Variants in INO80D observed in about 807,000 individuals in gnomAD.
INO80D encodes INO80 complex subunit D.
INO80D carries 21 observed loss-of-function variants against 87.6 expected under a neutral mutation model. That is an observed-to-expected ratio of 0.24 (90% CI 0.17 to 0.35). The LOEUF is 0.35. Ranked by LOEUF, INO80D falls within the 10% of genes least tolerant of loss-of-function variation. INO80D has a pLI of 1.00. For synonymous variants in INO80D, 440 were observed against 491.0 expected (o/e 0.90, Z 1.37); for missense variants, 982 against 1,280.7 (o/e 0.77, Z 3.56).
intron 3 of INO80D, among the ~76,000 whole-genome samples, chr2:206,057,985 G>T (rs1413799958): frequency 6.6e-6 from 1 of 151,134 alleles, no homozygotes; most frequent in Non-Finnish European, 1.5e-5. Context: ...TGTTTTTCCA[G>T]AACTGGTCCT....
intron 1 of INO80D, among the ~76,000 whole-genome samples, chr2:206,065,898 G>C (rs1175305375): frequency 6.6e-6 from 1 of 152,122 alleles, no homozygotes; most frequent in South Asian, 2.1e-4. Context: ...AACAAATGCT[G>C]GTGAGGAAGC....
At position 206,064,828 on chromosome 2, in the gene INO80D, A is replaced by C. The variant is rs1025914636; in HGVS notation, c.-123-1584T>G. Reference sequence around the variant, plus strand: ...ACTTACTGTAGTAGGAAAAAAAAAAACTCAAAATATTAACTTAGTTAATAA... The same window carrying C: ...ACTTACTGTAGTAGGAAAAAAAAAACCTCAAAATATTAACTTAGTTAATAA... On this transcript the variant is annotated intron_variant, in intron 1 of 10. Transcript: ENST00000403263. 1.3e-4 allele frequency among the ~76,000 whole-genome samples: 19 copies of C among 151,138 alleles called. No individual in the cohort carries two copies. The South Asian group carries it at 1.7e-3, about 13-fold the overall frequency.
chr2:206,073,478 A>G (rs1047603436), intron 1 of INO80D, among the ~76,000 whole-genome samples: 9 of 152,182 alleles, frequency 5.9e-5, no homozygotes, highest in African/African-American at 2.2e-4. Context: ...AGACCCTGAT[A>G]TATAAATACT....
intron 5 of INO80D, among the ~76,000 whole-genome samples, chr2:206,029,901 C>G (rs1327819437): frequency 6.6e-6 from 1 of 152,100 alleles, no homozygotes; most frequent in African/African-American, 2.4e-5. Context: ...GGCAAAAAGG[C>G]CAATGATTCA....
intron 1 of INO80D, among the ~76,000 whole-genome samples, chr2:206,074,608 A>G (rs1222067308): frequency 1.3e-5 from 2 of 151,770 alleles, no homozygotes; most frequent in East Asian, 3.9e-4. Context: ...CAAAAACAAA[A>G]AACAGTAGGA....
intron 5 of INO80D, among the ~76,000 whole-genome samples, chr2:206,044,925 A>AT (rs1438517602): frequency 3.3e-5 from 5 of 152,216 alleles, no homozygotes; most frequent in Admixed American, 2.6e-4. Flanking sequence ...AATTGACTCT[A>AT]TTGTGCTGTA....
chr2:206,067,886 T>C (rs922484208), intron 1 of INO80D, among the ~76,000 whole-genome samples: 3 of 152,034 alleles, frequency 2.0e-5, no homozygotes, highest in South Asian at 2.1e-4. Flanking sequence ...GAAGTTGCAG[T>C]GTGCCGAGAT....
chr2:206,009,736 G>A lies in INO80D; in HGVS notation c.1601C>T (p.Pro534Leu), dbSNP rs1305838841. 1 of 1,613,642 alleles carries A rather than the reference G, an allele frequency of 6.2e-7. No individual in the cohort carries two copies. The highest frequency in any genetic ancestry group is 8.5e-7 in the Non-Finnish European group (1 of 1,179,834). ...TGCAGGAGGCTTGGTTTTTTTCCTG[G>A]GTTTCCTCTGCTGCTGGTGCTGAAC... is the stretch of plus-strand genomic sequence containing the variant. ...RKVQHQQQRK[P>L]RKKTKPPALT... The change falls in exon 9 of 11, where the codon CCC becomes CTC. Residue 534 changes from proline to leucine, a missense_variant. Transcript: ENST00000403263.
intron 1 of INO80D, chr2:206,063,658 G>A (rs1689743800): frequency 1.3e-5 from 2 of 152,318 alleles, no homozygotes; most frequent in Admixed American, 1.3e-4. Context: ...CACACCTCTG[G>A]ACTCCAGCCT....
At chr2:206,052,923 T>C (rs1689414204) in intron 4 of INO80D, among the ~76,000 whole-genome samples, 1 of 152,170 alleles carries the variant, frequency 6.6e-6, no homozygotes, top group South Asian at 2.1e-4. Context: ...TAAAACCAAA[T>C]ATTTGAGAAA....
At position 206,004,611 on chromosome 2, in the gene INO80D, C is replaced by T. The variant is rs375534511; in HGVS notation, c.2841G>A (p.Gly947=). The change falls in exon 11 of 11, where the codon GGG becomes GGA. Residue 947 remains glycine, a synonymous_variant. Coordinates refer to ENST00000403263, the MANE Select transcript of INO80D (RefSeq NM_017759.5). The surrounding 1 kb of genome is among the most constrained non-coding windows in gnomAD (Gnocchi z 4.9). ...TGCCACTGAAGCTGGTCTGTGGTAA[C>T]CCCGGAAGCACACTGGAGCTGCTGG... ...VTPSSSSVLP[G]LPQTSFSGMG... 1 of 1,612,610 alleles carries T rather than the reference C, an allele frequency of 6.2e-7. No homozygotes were observed. The highest frequency in any genetic ancestry group is 8.5e-7 in the Non-Finnish European group (1 of 1,179,308).
intron 1 of INO80D, among the ~76,000 whole-genome samples, chr2:206,070,012 G>A (rs1168049566): frequency 1.3e-5 from 2 of 152,160 alleles, no homozygotes; most frequent in Admixed American, 6.5e-5. Flanking sequence ...GATGGTGCAC[G>A]CCTGTAATCC....
At chr2:206,016,124 C>A (rs1290288339) in intron 8 of INO80D, among the ~76,000 whole-genome samples, 1 of 152,116 alleles carries the variant, frequency 6.6e-6, no homozygotes, top group African/African-American at 2.4e-5. Flanking sequence ...GGAAAAGCAG[C>A]AGATACTCAA....
chr2:206,032,311 C>A (rs904809391), intron 5 of INO80D, among the ~76,000 whole-genome samples: 1 of 152,194 alleles, frequency 6.6e-6, no homozygotes, highest in Non-Finnish European at 1.5e-5. Context: ...CCTGCTCACC[C>A]ACTGCCTGGA....
intron 6 of INO80D, among the ~76,000 whole-genome samples, chr2:206,022,636 G>A (rs551759900): frequency 6.6e-6 from 1 of 152,092 alleles, no homozygotes; most frequent in South Asian, 2.1e-4. Flanking sequence ...TATTTCAATG[G>A]CTTATTCCAC....
chr2:206,037,386 C>A (rs1215150470), intron 5 of INO80D, among the ~76,000 whole-genome samples: 5 of 152,006 alleles, frequency 3.3e-5, no homozygotes, highest in African/African-American at 9.7e-5. Flanking sequence ...AATGGTAATA[C>A]CTCTAATAAA....
chr2:206,079,533 G>C (rs1474439401), intron 1 of INO80D, among the ~76,000 whole-genome samples: 2 of 152,172 alleles, frequency 1.3e-5, no homozygotes, highest in Non-Finnish European at 2.9e-5. Context: ...GTCCACCTAT[G>C]AGATCGCCTT....
At chr2:206,010,072 C>A (rs1688129765) in intron 8 of INO80D, among the ~76,000 whole-genome samples, 1 of 140,830 alleles carries the variant, frequency 7.1e-6, no homozygotes, top group African/African-American at 2.5e-5. Context: ...TACACACACA[C>A]ACACACACAC....
chr2:206,056,782 T>C lies in INO80D; in HGVS notation c.380A>G (p.Asp127Gly), dbSNP rs1378302046. 13 of 1,612,768 alleles carry C rather than the reference T, an allele frequency of 8.1e-6. No individual in the cohort carries two copies. The highest frequency in any genetic ancestry group is 1.0e-5 in the Non-Finnish European group (12 of 1,179,392). Residue 127 changes from aspartate (D) to glycine (G), a missense_variant, in exon 4 of 11, where the codon GAT (aspartate) becomes GGT (glycine). Asp to Gly is a moderately conservative substitution (Grantham distance 94, BLOSUM62 -1). Transcript: ENST00000403263. The part of the protein sequence containing the change: ...TLALKMPNGL[D>G]GMSLSPPGAR... ...CCCAGGTGGAGAGAGGGACATTCCA[T>C]CCAGTCCGTTGGGCATCTTCAAGGC... is the stretch of plus-strand genomic sequence containing the variant.
Sources: allele counts gnomAD v4.1 joint callset (sites outside exome capture counted in the v4.1 genomes callset), GRCh38; gene constraint gnomAD v4.1.1; non-coding constraint Gnocchi (gnomAD v3.1); transcripts MANE v1.5; gene names NCBI Gene and HGNC (gene_info 2026-07-23, HGNC 2026-07-21).